Variants in PXMP2 observed in about 807,000 individuals in gnomAD.
PXMP2 encodes the protein 22 kDa peroxisomal membrane protein.
PXMP2 carries 13 observed loss-of-function variants against 20.2 expected under a neutral mutation model. The observed-to-expected ratio is 0.64, with a 90% confidence interval of 0.42 to 1.02. The LOEUF (loss-of-function observed/expected upper bound fraction) is 1.02, where lower values mean the gene tolerates loss of function less well. Among genes scored for constraint, PXMP2 ranks in the 50% least tolerant of loss-of-function variants. PXMP2 has a pLI of 0.00. For missense variants in PXMP2, 284 were observed against 251.8 expected (o/e 1.13, Z -0.87); for synonymous variants, 113 against 111.2 (o/e 1.02, Z -0.10).
Position 132,687,769 on chromosome 12 carries a change from G to C in PXMP2, c.99G>C (p.Pro33=). The change falls in exon 1 of 5, where the codon CCG becomes CCC. Residue 33 remains proline, a synonymous_variant. Coordinates refer to ENST00000317479, the MANE Select transcript of PXMP2 (RefSeq NM_018663.3). ...AQYLLFLRLY[P]VLTKAATSGI... ...ACCTGCTCTTCCTGCGGCTCTACCC[G>C]GTGCTCACCAAGGCGGCCACCAGGT... 3.4e-6 allele frequency: 4 copies of C among 1,187,624 alleles called. No individual in the cohort carries two copies. The highest frequency in any genetic ancestry group is 6.9e-4 in the Middle Eastern group (2 of 2,890). The allele number at this position is 1,187,624 out of a possible 1,614,324, so 73.6% of individuals were successfully genotyped here.
At chr12:132,702,765 C>G (rs2043449934) in intron 4 of PXMP2, among the ~76,000 whole-genome samples, 1 of 152,218 alleles carries the variant, frequency 6.6e-6, no homozygotes, top group East Asian at 1.9e-4. Flanking sequence ...AGGACCTGAA[C>G]AGGCCTGCAG....
Position 132,687,688 on chromosome 12 carries a change from C to T in PXMP2, c.18C>T (p.Ser6=), listed in dbSNP as rs1338749793. MAPAA[S]RLRAEAGLGA... ...GGGAGGCGATGGCGCCGGCCGCGTC[C>T]AGGCTGCGGGCCGAAGCCGGGCTCG... Residue 6 remains serine, a synonymous_variant, in exon 1 of 5, where the codon TCC becomes TCT. Coordinates refer to ENST00000317479, the MANE Select transcript of PXMP2 (RefSeq NM_018663.3). 5.1e-6 allele frequency: 6 copies of T among 1,180,536 alleles called. No individual in the cohort carries two copies. Among genetic ancestry groups the T allele is most frequent in the East Asian group, 4.1e-5 (1 of 24,418 alleles). 73.1% of individuals were successfully genotyped at this position (1,180,536 alleles called of 1,614,324 possible).
chr12:132,701,038 G>C (rs1405067840), intron 3 of PXMP2, among the ~76,000 whole-genome samples: 1 of 152,184 alleles, frequency 6.6e-6, no homozygotes, highest in Non-Finnish European at 1.5e-5. Context: ...GCCAGCATGA[G>C]CAGGCTGCTG....
intron 2 of PXMP2, 73 bp from the exon 3 acceptor site, chr12:132,695,811 G>A: frequency 6.8e-7 from 1 of 1,469,634 alleles, no homozygotes; most frequent in Non-Finnish European, 9.2e-7. Context: ...CCTGGGATTT[G>A]GGGGTGAAGC....
intron 4 of PXMP2, among the ~76,000 whole-genome samples, chr12:132,703,917 G>A (rs1425538205): frequency 6.6e-6 from 1 of 152,192 alleles, no homozygotes; most frequent in East Asian, 1.9e-4. Context: ...GGAACACGGA[G>A]GATCTGGGAT....
chr12:132,693,588 C>T (rs1593105659), intron 2 of PXMP2, among the ~76,000 whole-genome samples: 1 of 63,236 alleles, frequency 1.6e-5, no homozygotes. Flanking sequence ...AGTTAGTGAG[C>T]GCCCTTGCCA....
At position 132,687,725 on chromosome 12, in the gene PXMP2, C is replaced by G; in HGVS notation, c.55C>G (p.Arg19Gly). ...CGAAGCCGGGCTCGGGGCGCTGCCG[C>G]GGCGGGCGCTCGCCCAGTACCTGCT... ...RAEAGLGALP[R>G]RALAQYLLFL... The change falls in exon 1 of 5, where the codon CGG becomes GGG. Residue 19 changes from arginine to glycine, a missense_variant. Physicochemically the swap from Arg to Gly is moderately radical, Grantham distance 125. Transcript: ENST00000317479. 1 of 1,213,440 alleles carries G rather than the reference C, an allele frequency of 8.2e-7. No homozygotes were observed. The highest frequency in any genetic ancestry group is 1.0e-6 in the Non-Finnish European group (1 of 974,028). 75.2% of individuals were successfully genotyped at this position (1,213,440 alleles called of 1,614,324 possible). A position where few individuals can be genotyped will look rare whatever the true frequency, so the allele number is the denominator to read the frequency against.
chr12:132,689,622 A>AG (rs1163278660), intron 1 of PXMP2, among the ~76,000 whole-genome samples: 1 of 152,134 alleles, frequency 6.6e-6, no homozygotes, highest in Non-Finnish European at 1.5e-5. Flanking sequence ...TAGTCCAGAG[A>AG]GCTTCTCAGA....
chr12:132,701,570 T>C (rs2043442195), intron 4 of PXMP2: 1 of 679,860 alleles, frequency 1.5e-6, no homozygotes, highest in Non-Finnish European at 2.3e-6. Context: ...CCTGAATCAT[T>C]GCTAGTTCGG....
Position 132,696,008 on chromosome 12 carries a change from T to G in PXMP2, c.361T>G (p.Phe121Val). 1 of 1,610,566 alleles carries G rather than the reference T, an allele frequency of 6.2e-7. No homozygotes were observed. The highest frequency in any genetic ancestry group is 8.5e-7 in the Non-Finnish European group (1 of 1,178,376). Residue 121 changes from phenylalanine to valine, a missense_variant, in exon 3 of 5, where the codon TTC (phenylalanine) becomes GTC (valine). Coordinates refer to ENST00000317479, the MANE Select transcript of PXMP2 (RefSeq NM_018663.3). The surrounding 1 kb of genome is among the most constrained non-coding windows in gnomAD (Gnocchi z 4.4). Reference protein sequence around the residue: ...LLDRLVFAPAFLMLFFLIMNF... With the variant: ...LLDRLVFAPAVLMLFFLIMNF... ...GGACCGCCTCGTCTTTGCACCGGCCTTCCTCATGTTGTTCTTCCTCATCAT... is the reference window on the plus strand; with the variant it reads ...GGACCGCCTCGTCTTTGCACCGGCCGTCCTCATGTTGTTCTTCCTCATCAT...
intron 1 of PXMP2, among the ~76,000 whole-genome samples, chr12:132,689,302 C>T (rs1270124823): frequency 6.6e-6 from 1 of 151,548 alleles, no homozygotes; most frequent in Non-Finnish European, 1.5e-5. Context: ...CGCGGGTCCG[C>T]ACGGCGCGGG....
intron 1 of PXMP2, among the ~76,000 whole-genome samples, chr12:132,689,505 G>A (rs2136058157): frequency 6.6e-6 from 1 of 152,288 alleles, no homozygotes; most frequent in East Asian, 1.9e-4. Flanking sequence ...GGGAAGATCT[G>A]TGTGTGGAGA....
intron 1 of PXMP2, 72 bp downstream of exon 1, chr12:132,687,864 G>C: frequency 9.1e-7 from 1 of 1,096,634 alleles, no homozygotes; most frequent in Non-Finnish European, 1.1e-6. Flanking sequence ...GCCTGGACGG[G>C]AGCGCCGGGC....
chr12:132,689,438 A>G (rs1039493884), intron 1 of PXMP2, among the ~76,000 whole-genome samples: 1 of 152,124 alleles, frequency 6.6e-6, no homozygotes, highest in Non-Finnish European at 1.5e-5. Flanking sequence ...TTTTGAAGGG[A>G]AGGCCGGCGT....
At chr12:132,693,574 TGCC>T (rs2043386515) in intron 2 of PXMP2, among the ~76,000 whole-genome samples, 67 of 74,198 alleles carry the variant, frequency 9.0e-4, no homozygotes, top group Non-Finnish European at 1.5e-3. Context: ...TGAGCGCCCT[TGCC>T]AGTTAGTGAG....
chr12:132,690,844 C>T (rs899223396), intron 2 of PXMP2, among the ~76,000 whole-genome samples: 1 of 151,910 alleles, frequency 6.6e-6, no homozygotes, highest in Non-Finnish European at 1.5e-5. Flanking sequence ...TACAGGCTCA[C>T]ATTTGTGGTT....
intron 1 of PXMP2, 45 bp from the exon 2 acceptor site, chr12:132,690,218 C>G (rs1309616768): frequency 6.7e-7 from 1 of 1,501,202 alleles, no homozygotes; most frequent in South Asian, 1.1e-5. Context: ...AAGGGACACC[C>G]TCCTGCTGGT....
Position 132,696,002 on chromosome 12 carries a change from C to T in PXMP2, c.355C>T (p.Pro119Ser), listed in dbSNP as rs756985782. The change falls in exon 3 of 5, where the codon CCG (proline) becomes TCG (serine). Residue 119 changes from proline (P) to serine (S), a missense_variant. Pro to Ser is a moderately conservative substitution (Grantham distance 74). Coordinates refer to ENST00000317479, the MANE Select transcript of PXMP2 (RefSeq NM_018663.3). The surrounding 1 kb of genome is among the most constrained non-coding windows in gnomAD (Gnocchi z 4.4). ...TCTCCTGGACCGCCTCGTCTTTGCA[C>T]CGGCCTTCCTCATGTTGTTCTTCCT... ...RLLLDRLVFA[P>S]AFLMLFFLIM... The T allele has an allele frequency of 2.2e-5, 35 of 1,611,408 alleles. No individual in the cohort carries two copies. The highest frequency in any genetic ancestry group is 2.9e-5 in the Non-Finnish European group (34 of 1,178,848).
intron 3 of PXMP2, 42 bp from the exon 4 acceptor site, chr12:132,701,208 G>A: frequency 6.2e-7 from 1 of 1,610,708 alleles, no homozygotes; most frequent in Non-Finnish European, 8.5e-7. Context: ...CAGTTCTGAT[G>A]GGCAGTGAGA....
Sources: allele counts gnomAD v4.1 joint callset (sites outside exome capture counted in the v4.1 genomes callset), GRCh38; gene constraint gnomAD v4.1.1; non-coding constraint Gnocchi (gnomAD v3.1); transcripts MANE v1.5; gene names NCBI Gene and HGNC (gene_info 2026-07-23, HGNC 2026-07-21).